The following SGCD variants were observed in gnomAD, a reference collection of about 807,000 sequenced individuals.
SGCD encodes the protein delta-sarcoglycan.
SGCD carries 18 observed loss-of-function variants against 36.6 expected under a neutral mutation model. That is an observed-to-expected ratio of 0.49 (90% CI 0.34 to 0.73). The LOEUF (loss-of-function observed/expected upper bound fraction) is 0.73. Among genes scored for constraint, SGCD ranks in the 30% least tolerant of loss-of-function variants. The pLI, the probability that SGCD is intolerant of heterozygous loss-of-function variation, is 0.01. For synonymous variants in SGCD, 133 were observed against 130.6 expected (o/e 1.02, Z -0.12); for missense variants, 387 against 346.7 (o/e 1.12, Z -0.92).
chr5:156,358,487 C>G (rs1451025592), intron 3 of SGCD, among the ~76,000 whole-genome samples: 1 of 152,168 alleles, frequency 6.6e-6, no homozygotes, highest in Non-Finnish European at 1.5e-5. Context: ...TATTGACAGC[C>G]TTATGAATGA....
At chr5:156,715,625 C>T (rs1431572485) in intron 7 of SGCD, among the ~76,000 whole-genome samples, 2 of 152,168 alleles carry the variant, frequency 1.3e-5, no homozygotes, top group African/African-American at 4.8e-5. Flanking sequence ...ACTGTTTGGA[C>T]TGTAATTCAA....
At chr5:155,798,956 C>CT in the SGCD span, among the ~76,000 whole-genome samples, 1 of 152,144 alleles carries the variant, frequency 6.6e-6, no homozygotes, top group Non-Finnish European at 1.5e-5. Flanking sequence ...ATTAGTTTGT[C>CT]TTGATTTCCA....
rs577257114 is a variant in SGCD at position 156,635,361 on chromosome 5, C to T, written c.503-12103C>T. 1.6e-4 allele frequency among the ~76,000 whole-genome samples: 24 copies of T among 152,184 alleles called. 1 individual carries two copies. The East Asian group carries it at 3.9e-3, about 25-fold the overall frequency. ...TACCATCTGTCACCAGTTAGAATGG[C>T]GATCATTAAAAAGTCAGGGAACAAC... On this transcript the variant is annotated intron_variant, in intron 6 of 8. Coordinates refer to ENST00000337851, the MANE Select transcript of SGCD (RefSeq NM_000337.6).
chr5:155,997,541 A>AT (rs1040580476), intron 1 of SGCD, among the ~76,000 whole-genome samples: 7 of 152,242 alleles, frequency 4.6e-5, no homozygotes, highest in African/African-American at 1.7e-4. Flanking sequence ...ATACACTTAA[A>AT]TAACAACAAA....
intron 1 of SGCD, among the ~76,000 whole-genome samples, chr5:155,871,521 G>A (rs548187455): frequency 6.6e-6 from 1 of 152,192 alleles, no homozygotes; most frequent in Non-Finnish European, 1.5e-5. Context: ...TAGGGAGCCA[G>A]GTAAGTGAAC....
intron 3 of SGCD, among the ~76,000 whole-genome samples, chr5:156,349,169 A>T (rs1769104182): frequency 6.6e-6 from 1 of 152,102 alleles, no homozygotes; most frequent in South Asian, 2.1e-4. Flanking sequence ...AAAACCTAGG[A>T]AAAGCACTTC....
At chr5:155,981,494 T>C (rs2127562232) in intron 1 of SGCD, among the ~76,000 whole-genome samples, 1 of 152,344 alleles carries the variant, frequency 6.6e-6, no homozygotes, top group Admixed American at 6.5e-5. Context: ...CTTTTGCCAT[T>C]ACTCCTTATC....
intron 1 of SGCD, among the ~76,000 whole-genome samples, chr5:156,054,185 C>T (rs2127581975): frequency 6.9e-6 from 1 of 145,290 alleles, no homozygotes; most frequent in East Asian, 1.9e-4. Flanking sequence ...GGGCCGTAGT[C>T]TGATATTCCC....
chr5:156,618,180 C>G (rs890361825), intron 6 of SGCD, among the ~76,000 whole-genome samples: 1 of 152,134 alleles, frequency 6.6e-6, no homozygotes, highest in Non-Finnish European at 1.5e-5. Context: ...ATAGTCCAAA[C>G]CTTGATGCCT....
At chr5:156,283,643 G>A (rs1033038992) in intron 3 of SGCD, among the ~76,000 whole-genome samples, 13 of 152,056 alleles carry the variant, frequency 8.5e-5, no homozygotes, top group Admixed American at 3.9e-4. Flanking sequence ...GTGGTTTATC[G>A]TCCTAACTTA....
chr5:156,393,669 A>G (rs1580921439), intron 3 of SGCD: 6 of 452,040 alleles, frequency 1.3e-5, no homozygotes, highest in East Asian at 7.0e-5. Flanking sequence ...GGCAAGCACT[A>G]CAAATTAAGA....
intron 1 of SGCD, among the ~76,000 whole-genome samples, chr5:155,940,877 A>AC (rs1324064792): frequency 1.2e-4 from 16 of 138,766 alleles, no homozygotes; most frequent in African/African-American, 3.5e-4. Flanking sequence ...AACAACAACA[A>AC]AAAAAACATT....
intron 7 of SGCD, among the ~76,000 whole-genome samples, chr5:156,749,315 A>G (rs1180170027): frequency 6.6e-6 from 1 of 152,192 alleles, no homozygotes; most frequent in Non-Finnish European, 1.5e-5. Flanking sequence ...AGAAAAATTC[A>G]TAACTTAAAT....
chr5:155,894,560 A>G (rs1756207229), intron 1 of SGCD, among the ~76,000 whole-genome samples: 2 of 152,154 alleles, frequency 1.3e-5, no homozygotes, highest in South Asian at 4.1e-4. Context: ...GTGAAGCTTC[A>G]TCTGTATTTA....
intron 6 of SGCD, among the ~76,000 whole-genome samples, chr5:156,602,511 G>T (rs1761239232): frequency 6.6e-6 from 1 of 152,108 alleles, no homozygotes; most frequent in South Asian, 2.1e-4. Flanking sequence ...CAAGTGGTGA[G>T]AGTGGGCATT....
intron 5 of SGCD, 119 bp from the exon 6 acceptor site, chr5:156,594,813 T>G: frequency 1.5e-6 from 1 of 657,122 alleles, no homozygotes; most frequent in South Asian, 1.9e-5. Flanking sequence ...CATACAATCT[T>G]GTTAGATATG....
chr5:156,344,379 G>A (rs1010462913), intron 2 of SGCD, 110 bp from the exon 3 acceptor site: 15 of 723,096 alleles, frequency 2.1e-5, no homozygotes, highest in Non-Finnish European at 3.1e-5. Context: ...TATAAAAGTA[G>A]ACAGCAGCCA....
At chr5:156,146,741 G>A (rs1452671410) in intron 3 of SGCD, among the ~76,000 whole-genome samples, 1 of 152,194 alleles carries the variant, frequency 6.6e-6, no homozygotes, top group East Asian at 1.9e-4. Flanking sequence ...ATAAGCGTTA[G>A]TGAGCTAACC....
At chr5:156,069,458 G>T (rs956264483) in intron 1 of SGCD, among the ~76,000 whole-genome samples, 8 of 151,976 alleles carry the variant, frequency 5.3e-5, no homozygotes, top group African/African-American at 9.7e-5. Flanking sequence ...ATTTCTAAGG[G>T]GTCTCTTCCA....
Sources: allele counts gnomAD v4.1 joint callset (sites outside exome capture counted in the v4.1 genomes callset), GRCh38; gene constraint gnomAD v4.1.1; transcripts MANE v1.5; gene names NCBI Gene and HGNC (gene_info 2026-07-23, HGNC 2026-07-21).